The following GABRG3 variants were observed in gnomAD, a reference collection of about 807,000 sequenced individuals.
GABRG3 encodes the protein gamma-aminobutyric acid type A receptor subunit gamma3.
GABRG3 carries 25 observed loss-of-function variants against 48.8 expected under a neutral mutation model. The ratio of observed to expected loss-of-function variants is 0.51; its 90% CI spans 0.37 to 0.72. GABRG3 has a LOEUF of 0.72. GABRG3 is among the 30% of genes least tolerant of loss of function. The pLI is 0.00. For synonymous variants in GABRG3, 227 were observed against 217.6 expected, an observed-to-expected ratio of 1.04 and a Z score of -0.38; for missense variants, 394 against 577.9, an observed-to-expected ratio of 0.68 and a Z score of 3.26.
At chr15:27,504,380 CT>C (rs1890714465) in intron 6 of GABRG3, among the ~76,000 whole-genome samples, 1 of 151,988 alleles carries the variant, frequency 6.6e-6, no homozygotes, top group Admixed American at 6.6e-5. Flanking sequence ...AACTTTTTGA[CT>C]TGTTATTTTA....
At chr15:27,083,795 T>C (rs1441152171) in intron 3 of GABRG3, among the ~76,000 whole-genome samples, 28 of 152,356 alleles carry the variant, frequency 1.8e-4, no homozygotes, top group Non-Finnish European at 7.3e-5. Flanking sequence ...TCACCATGTA[T>C]GTGGGGCATG....
intron 5 of GABRG3, among the ~76,000 whole-genome samples, chr15:27,438,996 A>G (rs1888701441): frequency 6.6e-6 from 1 of 152,318 alleles, no homozygotes; most frequent in Non-Finnish European, 1.5e-5. Flanking sequence ...TGCACACAGC[A>G]TTCGGTGGAG....
intron 3 of GABRG3, among the ~76,000 whole-genome samples, chr15:27,220,060 C>T (rs1168749981): frequency 6.6e-6 from 1 of 152,100 alleles, no homozygotes; most frequent in African/African-American, 2.4e-5. Context: ...AGGCATTTAT[C>T]ACAGGGCACC....
intron 6 of GABRG3, among the ~76,000 whole-genome samples, chr15:27,488,822 T>A (rs956955303): frequency 9.2e-5 from 14 of 152,320 alleles, no homozygotes; most frequent in Non-Finnish European, 1.9e-4. Flanking sequence ...TAGCTACACT[T>A]CACTCCTGTT....
chr15:27,492,048 T>C (rs959066316), intron 6 of GABRG3, among the ~76,000 whole-genome samples: 1 of 152,188 alleles, frequency 6.6e-6, no homozygotes, highest in African/African-American at 2.4e-5. Context: ...AAAGCCTTTG[T>C]TTTATCAATA....
intron 1 of GABRG3, among the ~76,000 whole-genome samples, chr15:26,973,932 A>G (rs1451156829): frequency 1.3e-5 from 2 of 152,244 alleles, no homozygotes; most frequent in Admixed American, 6.5e-5. Flanking sequence ...TAAAGATTAT[A>G]TATAACTTAC....
chr15:27,283,610 T>G (rs1457907618), intron 3 of GABRG3, among the ~76,000 whole-genome samples: 1 of 152,112 alleles, frequency 6.6e-6, no homozygotes, highest in Admixed American at 6.5e-5. Flanking sequence ...CGTCAAAAAA[T>G]AAAGGTGGTC....
At chr15:27,452,630 T>A (rs1889144036) in intron 5 of GABRG3, among the ~76,000 whole-genome samples, 1 of 152,288 alleles carries the variant, frequency 6.6e-6, no homozygotes, top group East Asian at 1.9e-4. Flanking sequence ...AGTAAGTGGA[T>A]CATCATAGAG....
chr15:26,977,572 A>C lies in GABRG3; in HGVS notation c.202+422A>C, dbSNP rs1894975205. Among the ~76,000 whole-genome samples the C allele has an allele frequency of 2.0e-5, 3 of 152,272 alleles. No individual in the cohort carries two copies. In the East Asian group the frequency reaches 5.8e-4, roughly 29 times the overall value. On this transcript the variant is annotated intron_variant, in intron 2 of 9. Coordinates refer to ENST00000615808, the MANE Select transcript of GABRG3 (RefSeq NM_033223.5). ...ATTTTGAGAATGTCACGTACATGGA[A>C]TCATTGACCTTTTGAGACTGGCTTT...
chr15:27,463,446 C>T (rs1260325992), intron 5 of GABRG3, among the ~76,000 whole-genome samples: 2 of 152,098 alleles, frequency 1.3e-5, no homozygotes, highest in Non-Finnish European at 2.9e-5. Flanking sequence ...TTGGTATCAC[C>T]GAAGTGTGGA....
At chr15:27,332,388 C>T (rs1304218128) in intron 5 of GABRG3, among the ~76,000 whole-genome samples, 1 of 152,100 alleles carries the variant, frequency 6.6e-6, no homozygotes, top group Admixed American at 6.5e-5. Context: ...GTGGCATGTG[C>T]CAGCTCGGGA....
At chr15:27,200,215 A>G (rs1222164146) in intron 3 of GABRG3, among the ~76,000 whole-genome samples, 2 of 152,170 alleles carry the variant, frequency 1.3e-5, no homozygotes, top group Non-Finnish European at 2.9e-5. Flanking sequence ...ATTGATTGAC[A>G]TTGCCTCTGT....
intron 3 of GABRG3, among the ~76,000 whole-genome samples, chr15:27,031,063 G>C (rs202018497): frequency 4.7e-5 from 7 of 149,884 alleles, no homozygotes; most frequent in South Asian, 2.1e-4. Context: ...CACACACACA[G>C]ACACACACAC....
intron 5 of GABRG3, among the ~76,000 whole-genome samples, chr15:27,339,859 C>T (rs187643562): frequency 6.6e-6 from 1 of 152,282 alleles, no homozygotes; most frequent in Non-Finnish European, 1.5e-5. Context: ...AAGGTCATGG[C>T]CTTCTCACTC....
At chr15:27,088,270 G>A (rs1280686391) in intron 3 of GABRG3, among the ~76,000 whole-genome samples, 1 of 151,574 alleles carries the variant, frequency 6.6e-6, no homozygotes, top group Non-Finnish European at 1.5e-5. Context: ...GGCGGGCGCG[G>A]GGGCGGGCGC....
At chr15:27,361,312 G>T (rs950657965) in intron 5 of GABRG3, among the ~76,000 whole-genome samples, 1 of 152,120 alleles carries the variant, frequency 6.6e-6, no homozygotes, top group Non-Finnish European at 1.5e-5. Flanking sequence ...TCTGGGTCTT[G>T]GGTGCTGCGG....
chr15:27,488,692 T>C (rs575083780), intron 6 of GABRG3, among the ~76,000 whole-genome samples: 3 of 152,324 alleles, frequency 2.0e-5, no homozygotes, highest in Admixed American at 6.5e-5. Context: ...TTAATTTGTT[T>C]AGCAAATGAG....
intron 5 of GABRG3, among the ~76,000 whole-genome samples, chr15:27,367,683 C>A (rs187647384): frequency 2.0e-5 from 3 of 152,276 alleles, no homozygotes; most frequent in Admixed American, 6.5e-5. Context: ...AGTAGCATTG[C>A]ATATAATATA....
chr15:27,107,288 C>T (rs776387145), intron 3 of GABRG3, among the ~76,000 whole-genome samples: 4 of 151,882 alleles, frequency 2.6e-5, no homozygotes, highest in African/African-American at 9.7e-5. Context: ...TGTTGTCAAG[C>T]GGCTTGTCTG....
Sources: gnomAD v4.1 joint callset for allele counts (sites outside exome capture counted in the v4.1 genomes callset) on GRCh38, gnomAD v4.1.1 for gene constraint, MANE v1.5 for transcripts, NCBI Gene and HGNC (gene_info 2026-07-23, HGNC 2026-07-21) for gene names.